MTMR8: variants seen among roughly 807,000 people sequenced by gnomAD.
The protein encoded by MTMR8 is phosphatidylinositol-3,5-bisphosphate 3-phosphatase MTMR8.
A neutral mutation model predicts 39.3 loss-of-function variants in MTMR8; 65 were observed. That is an observed-to-expected ratio of 1.65 (90% CI 1.35 to 2.03). MTMR8 has a LOEUF of 2.03. Among genes scored for constraint, MTMR8 ranks in the 30% most tolerant of loss-of-function variants. The pLI is 0.00. For missense variants in MTMR8, 777 were observed against 538.9 expected (o/e 1.44, Z -4.37); for synonymous variants, 245 against 185.2 (o/e 1.32, Z -2.62).
At chrX:64,377,998 T>A (rs1280554982) in intron 1 of MTMR8, among the ~76,000 whole-genome samples, 1 of 111,845 alleles carries the variant, frequency 8.9e-6, no homozygotes, top group African/African-American at 3.3e-5. Flanking sequence ...TCTCTCTTAC[T>A]CTGCCATGTG....
chrX:64,354,907 G>A lies in MTMR8; in HGVS notation c.338C>T (p.Ser113Phe). The change falls in exon 4 of 14, where the codon TCT becomes TTT. Residue 113 changes from serine to phenylalanine, a missense_variant. Ser to Phe is a radical substitution (Grantham distance 155, BLOSUM62 -2). Transcript: ENST00000374852. ...PALPEDLYAF[S>F]YNPKSSKEMR... ...CTCTTTTGAGGATTTGGGATTATAA[G>A]AAAAAGCATAAAGATCTTCAGGTAA... 1 of 1,199,775 alleles carries A rather than the reference G, an allele frequency of 8.3e-7. No homozygotes were observed. Among genetic ancestry groups the A allele is most frequent in the Non-Finnish European group, 1.1e-6 (1 of 890,256 alleles).
At position 64,268,228 on chromosome X, in the gene MTMR8, G is replaced by A. The variant is rs760272751; in HGVS notation, c.*309C>T. 2.5e-5 allele frequency: 7 copies of A among 278,338 alleles called. No homozygotes were observed. In the East Asian group the frequency reaches 4.3e-4, roughly 17 times the overall value. 22.9% of individuals were successfully genotyped at this position (278,338 alleles called of 1,213,427 possible). A position where few individuals can be genotyped will look rare whatever the true frequency, so the allele number is the denominator to read the frequency against. The stretch of plus-strand genomic sequence containing the variant: ...GCAGTGAGGATAGAAAATAGGGCAG[G>A]TCGATCATTAAGGAAAACAGACAGT... On this transcript the variant is annotated 3_prime_UTR_variant, in exon 14 of 14. Coordinates refer to ENST00000374852, the MANE Select transcript of MTMR8 (RefSeq NM_017677.4).
chrX:64,341,747 CCAT>C (rs1292266949), intron 8 of MTMR8, among the ~76,000 whole-genome samples: 1 of 111,575 alleles, frequency 9.0e-6, no homozygotes. Flanking sequence ...CAGAATATTT[CCAT>C]CATCACAAAA....
intron 1 of MTMR8, among the ~76,000 whole-genome samples, chrX:64,374,727 G>A (rs935592601): frequency 9.0e-6 from 1 of 110,910 alleles, no homozygotes; most frequent in African/African-American, 3.3e-5. Flanking sequence ...TTTGGAAAAG[G>A]GGTCTTTGCA....
chrX:64,382,470 C>T (rs1474797328), intron 1 of MTMR8, among the ~76,000 whole-genome samples: 1 of 111,703 alleles, frequency 9.0e-6, no homozygotes, highest in African/African-American at 3.3e-5. Context: ...TGAGACTTTG[C>T]TGAAGTTGCC....
chrX:64,273,641 T>A (rs149128932), intron 12 of MTMR8, among the ~76,000 whole-genome samples: 4 of 111,154 alleles, frequency 3.6e-5, no homozygotes, highest in African/African-American at 1.3e-4. Flanking sequence ...TGGATTAAAC[T>A]CCCCAATAAA....
chrX:64,286,534 C>A (rs1395970183), intron 12 of MTMR8, among the ~76,000 whole-genome samples: 1 of 111,755 alleles, frequency 8.9e-6, no homozygotes, highest in Admixed American at 9.5e-5. Context: ...GACCAATATC[C>A]CTGATGAACA....
chrX:64,356,231 A>G lies in MTMR8; in HGVS notation c.255T>C (p.Asp85=). ...KNFRVAHFVL[D]SDLVCHEVYI... ...AAACCTCATGGCACACAAGGTCAGAATCTAAAACAAAGTGGGCCACCCGGA... is the reference window on the plus strand; with the variant it reads ...AAACCTCATGGCACACAAGGTCAGAGTCTAAAACAAAGTGGGCCACCCGGA... Residue 85 remains aspartate (D), a synonymous_variant, in exon 3 of 14, where the codon GAT becomes GAC. Transcript: ENST00000374852. 8.3e-7 allele frequency: 1 copy of G among 1,209,331 alleles called. No individual in the cohort carries two copies. Among genetic ancestry groups the G allele is most frequent in the Non-Finnish European group, 1.1e-6 (1 of 894,266 alleles).
chrX:64,276,226 A>G (rs1333356904), intron 12 of MTMR8, among the ~76,000 whole-genome samples: 3 of 110,641 alleles, frequency 2.7e-5, no homozygotes, highest in Non-Finnish European at 5.7e-5. Context: ...GTCTTCTGCT[A>G]GAATTTGTTT....
At chrX:64,278,331 GC>G (rs1172574496) in intron 12 of MTMR8, among the ~76,000 whole-genome samples, 2 of 109,219 alleles carry the variant, frequency 1.8e-5, no homozygotes, top group Non-Finnish European at 3.8e-5. Context: ...GGAATTCTCA[GC>G]CTTTTTGCAC....
intron 12 of MTMR8, chrX:64,306,204 C>T (rs1602121433): frequency 6.1e-6 from 2 of 325,477 alleles, no homozygotes; most frequent in Admixed American, 6.0e-5. Context: ...TATGATAGTT[C>T]TCAATGCCCA....
At chrX:64,302,572 G>T (rs182753006) in intron 12 of MTMR8, among the ~76,000 whole-genome samples, 4 of 112,146 alleles carry the variant, frequency 3.6e-5, no homozygotes, top group African/African-American at 9.7e-5. Context: ...GTTCCTATTC[G>T]GCCATCTTGG....
intron 1 of MTMR8, among the ~76,000 whole-genome samples, chrX:64,362,551 T>G (rs1413462272): frequency 1.2e-5 from 1 of 81,562 alleles, no homozygotes; most frequent in East Asian, 3.7e-4. Flanking sequence ...ATCAGATTGA[T>G]GTAAAAAATG....
At chrX:64,355,672 G>T (rs1055740602) in intron 3 of MTMR8, among the ~76,000 whole-genome samples, 4 of 110,898 alleles carry the variant, frequency 3.6e-5, no homozygotes, top group South Asian at 3.9e-4. Flanking sequence ...TTGCCTAGGG[G>T]TGGGGGCTGG....
intron 12 of MTMR8, among the ~76,000 whole-genome samples, chrX:64,326,498 ATC>A (rs1474633131): frequency 8.9e-6 from 1 of 111,771 alleles, no homozygotes; most frequent in Non-Finnish European, 1.9e-5. Context: ...GAGGTGAAAG[ATC>A]TTCACACTGA....
chrX:64,294,419 C>A (rs1477566831), intron 12 of MTMR8, among the ~76,000 whole-genome samples: 1 of 111,269 alleles, frequency 9.0e-6, no homozygotes, highest in Admixed American at 9.6e-5. Flanking sequence ...GACCTAGATG[C>A]CTGCCCCATT....
chrX:64,363,249 G>A (rs150367751), intron 1 of MTMR8, among the ~76,000 whole-genome samples: 25 of 111,943 alleles, frequency 2.2e-4, no homozygotes, highest in Admixed American at 3.8e-4. Context: ...AATACAGTTT[G>A]GATACTTGTC....
intron 12 of MTMR8, among the ~76,000 whole-genome samples, chrX:64,312,477 G>C (rs756483799): frequency 1.2e-4 from 13 of 112,076 alleles, no homozygotes; most frequent in Non-Finnish European, 2.3e-4. Context: ...GTTCTGGCCA[G>C]GGCAATCAGG....
chrX:64,341,691 T>C (rs1010042966), intron 8 of MTMR8, among the ~76,000 whole-genome samples: 1 of 111,128 alleles, frequency 9.0e-6, no homozygotes, highest in Admixed American at 9.6e-5. Flanking sequence ...ACATTTCAAG[T>C]GCTCAATTTC....
Sources: gnomAD v4.1 joint callset for allele counts (sites outside exome capture counted in the v4.1 genomes callset) on GRCh38, gnomAD v4.1.1 for gene constraint, MANE v1.5 for transcripts, NCBI Gene and HGNC (gene_info 2026-07-23, HGNC 2026-07-21) for gene names.